Variants in CDK14 observed in about 807,000 individuals in gnomAD.
The protein encoded by CDK14 is cyclin dependent kinase 14, also known as cyclin-dependent kinase 14.
A neutral mutation model predicts 60.7 loss-of-function variants in CDK14; 34 were observed. The observed-to-expected ratio is 0.56, with a 90% CI of 0.43 to 0.75. The LOEUF (loss-of-function observed/expected upper bound fraction) is 0.75. Ranked by LOEUF, CDK14 falls within the 30% of genes least tolerant of loss-of-function variation. The probability of loss-of-function intolerance (pLI) is 0.00; values close to 1 mark genes in which losing one functional copy is unlikely to be tolerated. For missense variants in CDK14, 482 were observed against 564.1 expected (o/e 0.85, Z 1.47); for synonymous variants, 197 against 203.7 (o/e 0.97, Z 0.28).
chr7:90,988,331 G>A (rs2115671962), intron 10 of CDK14, among the ~76,000 whole-genome samples: 1 of 151,868 alleles, frequency 6.6e-6, no homozygotes, highest in South Asian at 2.1e-4. Context: ...ATGCAAGAAA[G>A]GAAGGAAGAT....
chr7:90,719,391 T>G (rs1457486579), intron 2 of CDK14, among the ~76,000 whole-genome samples: 2 of 152,152 alleles, frequency 1.3e-5, no homozygotes, highest in African/African-American at 4.8e-5. Context: ...AGGGACAATT[T>G]TCAGACCGAA....
At position 90,654,185 on chromosome 7, in the gene CDK14, A is replaced by G. The variant is rs138156163; in HGVS notation, c.123+49936A>G. On this transcript the variant is annotated intron_variant, in intron 2 of 14. Transcript: ENST00000380050. ...TTTCCCACTCCTGTCCTTTCTTAGT[A>G]TGTTCAACCTTGAGGATAAGAAATA... Among the ~76,000 whole-genome samples the G allele has an allele frequency of 5.2e-4, 79 of 152,208 alleles. No homozygotes were observed. In the East Asian group the frequency reaches 9.3e-3, roughly 18 times the overall value.
At chr7:90,620,512 A>G (rs1434787111) in intron 2 of CDK14, among the ~76,000 whole-genome samples, 1 of 152,086 alleles carries the variant, frequency 6.6e-6, no homozygotes, top group Non-Finnish European at 1.5e-5. Context: ...TTGTCCCCGT[A>G]TCCCTATTTA....
Position 91,208,722 on chromosome 7 carries a change from G to A in CDK14, c.*1586G>A, listed in dbSNP as rs1255583011. The stretch of plus-strand genomic sequence containing the variant: ...CTATAATCAAGCTCAATACACCAAG[G>A]AAACTGGATCCAGAATTCCTAAACT... On this transcript the variant is annotated 3_prime_UTR_variant, in exon 15 of 15. Transcript: ENST00000380050. 1 of 152,360 alleles carries A rather than the reference G, an allele frequency of 6.6e-6. No homozygotes were observed. The highest frequency in any genetic ancestry group is 1.5e-5 in the Non-Finnish European group (1 of 68,024). 9.4% of individuals were successfully genotyped at this position (152,360 alleles called of 1,614,324 possible).
intron 13 of CDK14, among the ~76,000 whole-genome samples, 164 bp downstream of exon 13, chr7:91,112,845 GTA>G (rs1227109996): frequency 2.0e-5 from 3 of 149,236 alleles, no homozygotes; most frequent in Non-Finnish European, 4.5e-5. Context: ...GTGTGTGTGT[GTA>G]TGTGTGGAGA....
At chr7:91,052,527 T>G (rs1002421938) in intron 11 of CDK14, among the ~76,000 whole-genome samples, 1 of 152,216 alleles carries the variant, frequency 6.6e-6, no homozygotes, top group African/African-American at 2.4e-5. Context: ...GGTTTAGCAC[T>G]GAAATAATGT....
chr7:91,029,966 T>C (rs1315609714), intron 10 of CDK14, among the ~76,000 whole-genome samples: 3 of 152,188 alleles, frequency 2.0e-5, no homozygotes, highest in Non-Finnish European at 4.4e-5. Flanking sequence ...TAACCAGAAG[T>C]AGGCTTGTAG....
chr7:90,924,544 A>C (rs1793354452), intron 8 of CDK14, among the ~76,000 whole-genome samples: 1 of 152,210 alleles, frequency 6.6e-6, no homozygotes, highest in Admixed American at 6.5e-5. Context: ...AGACTCCACT[A>C]CTATATGTCA....
intron 5 of CDK14, among the ~76,000 whole-genome samples, chr7:90,812,615 A>G (rs1789176985): frequency 6.6e-6 from 1 of 152,200 alleles, no homozygotes; most frequent in South Asian, 2.1e-4. Context: ...CTTAAAGTAT[A>G]ATAATAATAA....
intron 5 of CDK14, among the ~76,000 whole-genome samples, chr7:90,820,695 T>C (rs565564295): frequency 2.0e-4 from 30 of 152,206 alleles, no homozygotes; most frequent in Admixed American, 3.9e-4. Context: ...TCTAACCTTA[T>C]GGAACAAGTT....
At position 91,158,934 on chromosome 7, in the gene CDK14, A is replaced by C. The variant is rs532089419; in HGVS notation, c.*28+40726A>C. ...TCAATAATGTGCTTTTACCAGAAGGAAAAACAACTTTTAATATCTGTGAAC... is the reference window on the plus strand; with the variant it reads ...TCAATAATGTGCTTTTACCAGAAGGCAAAACAACTTTTAATATCTGTGAAC... On this transcript the variant is annotated intron_variant, in intron 14 of 14. Transcript: ENST00000380050. Among the ~76,000 whole-genome samples, 1,059 of 152,350 alleles carry C rather than the reference A, an allele frequency of 7.0e-3. 15 individuals are homozygous for C. The highest frequency in any genetic ancestry group is 0.023 in the African/African-American group (970 of 41,580).
chr7:91,117,326 G>A (rs1053989154), intron 13 of CDK14, among the ~76,000 whole-genome samples: 16 of 151,366 alleles, frequency 1.1e-4, no homozygotes, highest in African/African-American at 3.6e-4. Flanking sequence ...CTGCTATCAC[G>A]CTGCCCTCAG....
At chr7:91,010,718 CT>C (rs1426942667) in intron 10 of CDK14, among the ~76,000 whole-genome samples, 2 of 151,008 alleles carry the variant, frequency 1.3e-5, no homozygotes, top group Non-Finnish European at 3.0e-5. Flanking sequence ...CCTTATGTTT[CT>C]TTTTTCTCCT....
At chr7:90,977,566 TA>T (rs1248084365) in intron 9 of CDK14, among the ~76,000 whole-genome samples, 1 of 152,130 alleles carries the variant, frequency 6.6e-6, no homozygotes, top group African/African-American at 2.4e-5. Flanking sequence ...TTTCTATGTT[TA>T]TTTTTTTTAA....
intron 14 of CDK14, among the ~76,000 whole-genome samples, chr7:91,164,232 G>C (rs536331677): frequency 7.9e-5 from 12 of 152,290 alleles, no homozygotes; most frequent in African/African-American, 2.9e-4. Context: ...TGATGAACAA[G>C]TGATTACAAT....
At chr7:90,836,286 C>G (rs1790095908) in intron 5 of CDK14, among the ~76,000 whole-genome samples, 1 of 152,140 alleles carries the variant, frequency 6.6e-6, no homozygotes, top group South Asian at 2.1e-4. Flanking sequence ...GACACATTGC[C>G]TAGATGTACA....
At chr7:91,090,329 G>A (rs1305420229) in intron 12 of CDK14, among the ~76,000 whole-genome samples, 4 of 152,146 alleles carry the variant, frequency 2.6e-5, no homozygotes, top group Non-Finnish European at 4.4e-5. Flanking sequence ...AGGATATAGA[G>A]CAGTACTGTC....
intron 6 of CDK14, among the ~76,000 whole-genome samples, chr7:90,872,745 G>A (rs1272725318): frequency 6.6e-6 from 1 of 151,928 alleles, no homozygotes; most frequent in East Asian, 1.9e-4. Context: ...ATCATGATTT[G>A]GTATTTAATT....
At chr7:90,979,288 TC>T (rs1423086315) in intron 9 of CDK14, 1 of 152,186 alleles carries the variant, frequency 6.6e-6, no homozygotes, top group African/African-American at 2.4e-5. Flanking sequence ...TTTAGACTTT[TC>T]TTCTATTGTC....
Sources: allele counts gnomAD v4.1 joint callset (sites outside exome capture counted in the v4.1 genomes callset), GRCh38; gene constraint gnomAD v4.1.1; transcripts MANE v1.5; gene names NCBI Gene and HGNC (gene_info 2026-07-23, HGNC 2026-07-21).